IPO7: variants seen among roughly 807,000 people sequenced by gnomAD.
IPO7 encodes importin-7.
Under a neutral mutation model 136.4 loss-of-function variants are expected in IPO7, and 13 were observed. The observed-to-expected ratio is 0.10, with a 90% confidence interval of 0.06 to 0.15. The LOEUF (loss-of-function observed/expected upper bound fraction) is 0.15. Ranked by LOEUF, IPO7 falls within the 10% of genes least tolerant of loss-of-function variation. The probability of loss-of-function intolerance (pLI) is 1.00; values close to 1 mark genes in which losing one functional copy is unlikely to be tolerated. For missense variants in IPO7, 857 were observed against 1,240.6 expected (o/e 0.69, Z 4.65); for synonymous variants, 403 against 404.4 (o/e 1.00, Z 0.04).
chr11:9,402,988 C>G (rs1040879733), intron 1 of IPO7: 1 of 297,904 alleles, frequency 3.4e-6, no homozygotes, highest in Non-Finnish European at 6.3e-6. Context: ...CGTCACTGCA[C>G]TCCAGCCTGG....
At chr11:9,441,714 A>T (rs576876982) in intron 23 of IPO7, among the ~76,000 whole-genome samples, 18 of 152,338 alleles carry the variant, frequency 1.2e-4, no homozygotes, top group Non-Finnish European at 2.1e-4. Flanking sequence ...GTACCACAGT[A>T]GCCTTGATGA....
chr11:9,384,914 G>A (rs1590421086), intron 1 of IPO7, 67 bp downstream of exon 1: 1 of 1,306,310 alleles, frequency 7.7e-7, no homozygotes, highest in East Asian at 2.6e-5. Context: ...CCGAGCCCCC[G>A]GGGCCTGGCC....
At chr11:9,421,797 A>C (rs539917686) in intron 8 of IPO7, among the ~76,000 whole-genome samples, 1 of 151,976 alleles carries the variant, frequency 6.6e-6, no homozygotes, top group East Asian at 1.9e-4. Flanking sequence ...TCAAAAATGT[A>C]GCCGGGCGTG....
chr11:9,402,988 C>T (rs1040879733), intron 1 of IPO7: 12 of 297,786 alleles, frequency 4.0e-5, no homozygotes, highest in Non-Finnish European at 6.3e-5. Flanking sequence ...CGTCACTGCA[C>T]TCCAGCCTGG....
intron 1 of IPO7, among the ~76,000 whole-genome samples, chr11:9,400,152 T>C (rs1448085403): frequency 6.6e-6 from 1 of 152,228 alleles, no homozygotes; most frequent in Non-Finnish European, 1.5e-5. Context: ...TGTACTTATA[T>C]TAAGTACTGT....
chr11:9,434,159 G>A (rs1039799081), intron 18 of IPO7, among the ~76,000 whole-genome samples: 1 of 152,072 alleles, frequency 6.6e-6, no homozygotes. Context: ...CCGACCTGAG[G>A]TGATCCGCCC....
chr11:9,431,790 G>A (rs923195799), intron 16 of IPO7, among the ~76,000 whole-genome samples: 3 of 151,946 alleles, frequency 2.0e-5, no homozygotes, highest in African/African-American at 4.8e-5. Flanking sequence ...CCTAGCCAAC[G>A]TGGTGAAACC....
Position 9,419,083 on chromosome 11 carries a change from CAT to C in IPO7, c.727-1327_727-1326del, listed in dbSNP as rs140306951. Among the ~76,000 whole-genome samples, 188 of 152,156 alleles carry C rather than the reference CAT, an allele frequency of 1.2e-3. 1 individual carries two copies. The highest frequency in any genetic ancestry group is 4.4e-3 in the African/African-American group (182 of 41,488). ...ATTCTTACGTGTCTTTTTGTGGTCA[CAT>C]GTTTTTCACACTCTTGCATAAATAT... On this transcript the variant is annotated intron_variant, in intron 6 of 24. Coordinates refer to ENST00000379719, the MANE Select transcript of IPO7 (RefSeq NM_006391.3).
chr11:9,417,128 G>A lies in IPO7; in HGVS notation c.706G>A (p.Val236Met), dbSNP rs1855052627. The change falls in exon 6 of 25, where the codon GTG (valine) becomes ATG (methionine). Residue 236 changes from valine to methionine, a missense_variant. Physicochemically the swap from Val to Met is conservative, Grantham distance 21. Around this residue, in one of 11 missense-constraint regions of IPO7, gnomAD observed 287 missense variants for 307.5 expected, o/e 0.93. Transcript: ENST00000379719. Reference protein sequence around the residue: ...TEWIEILKTVVNRDVPNETLQ... With the variant: ...TEWIEILKTVMNRDVPNETLQ... ...ATGGATAGAAATTTTAAAGACTGTT[G>A]TGAACAGGGATGTACCTAATGTAAG... The A allele has an allele frequency of 6.6e-7, 1 of 1,522,320 alleles. No homozygotes were observed. The highest frequency in any genetic ancestry group is 9.1e-7 in the Non-Finnish European group (1 of 1,098,704). 94.3% of individuals were successfully genotyped at this position (1,522,320 alleles called of 1,614,324 possible). A position where few individuals can be genotyped will look rare whatever the true frequency, so the allele number is the denominator to read the frequency against.
chr11:9,414,850 T>C (rs989847105), intron 5 of IPO7, among the ~76,000 whole-genome samples: 2 of 151,842 alleles, frequency 1.3e-5, no homozygotes, highest in African/African-American at 2.4e-5. Flanking sequence ...GGTCTCGAAC[T>C]CCTGACCTCG....
chr11:9,428,998 T>C, intron 13 of IPO7, 33 bp from the exon 14 acceptor site: 1 of 1,583,210 alleles, frequency 6.3e-7, no homozygotes, highest in East Asian at 2.2e-5. Flanking sequence ...TAAGGTAAGG[T>C]ATCTACAGTA....
intron 15 of IPO7, among the ~76,000 whole-genome samples, chr11:9,430,068 T>A (rs1855271345): frequency 6.6e-6 from 1 of 152,148 alleles, no homozygotes; most frequent in Admixed American, 6.5e-5. Context: ...GTGTGCAACC[T>A]AGATCCTTGA....
At chr11:9,392,670 C>T (rs915552669) in intron 1 of IPO7, among the ~76,000 whole-genome samples, 4 of 151,478 alleles carry the variant, frequency 2.6e-5, no homozygotes, top group Admixed American at 1.3e-4. Flanking sequence ...CAGTTTTGGC[C>T]GGGTGCGGTG....
At position 9,396,382 on chromosome 11, in the gene IPO7, C is replaced by T. The variant is rs563121696; in HGVS notation, c.85-6908C>T. ...CTGCACTCCGGCCAGGGAGACAAAG[C>T]GAGACTCCATCTCAAAAACAAAGTC... On this transcript the variant is annotated intron_variant, in intron 1 of 24. Transcript: ENST00000379719. Among the ~76,000 whole-genome samples, 56 of 152,248 alleles carry T rather than the reference C, an allele frequency of 3.7e-4. 1 individual carries two copies. The South Asian group carries it at 7.7e-3, about 21-fold the overall frequency.
Position 9,408,542 on chromosome 11 carries a change from C to G in IPO7, c.223C>G (p.Pro75Ala), listed in dbSNP as rs1854920071. ...GTATTGGCCTGATCGAGAAACAGCA[C>G]CAGGGGATATATCCCCTTATACTAT... is the stretch of plus-strand genomic sequence containing the variant. The part of the protein sequence containing the change: ...TQYWPDRETA[P>A]GDISPYTIPE... The change falls in exon 3 of 25, where the codon CCA becomes GCA. Residue 75 changes from proline (P) to alanine (A), a missense_variant. This residue lies in a region of IPO7 where 287 missense variants were observed against 307.5 expected (regional missense o/e 0.93). Coordinates refer to ENST00000379719, the MANE Select transcript of IPO7 (RefSeq NM_006391.3). The G allele has an allele frequency of 1.2e-6, 2 of 1,600,176 alleles. No individual in the cohort carries two copies. Among genetic ancestry groups the G allele is most frequent in the Non-Finnish European group, 1.7e-6 (2 of 1,171,294 alleles).
intron 19 of IPO7, among the ~76,000 whole-genome samples, chr11:9,435,777 T>C (rs1855360831): frequency 6.6e-6 from 1 of 152,224 alleles, no homozygotes. Context: ...CTGGAGTTTA[T>C]AGGGCAACAT....
At chr11:9,389,136 C>G (rs1367684258) in intron 1 of IPO7, among the ~76,000 whole-genome samples, 1 of 151,808 alleles carries the variant, frequency 6.6e-6, no homozygotes, top group Non-Finnish European at 1.5e-5. Flanking sequence ...TCACTGTAGC[C>G]TCCAATCCCA....
intron 1 of IPO7, among the ~76,000 whole-genome samples, chr11:9,386,835 G>A (rs1382960370): frequency 1.3e-5 from 2 of 152,252 alleles, no homozygotes; most frequent in East Asian, 1.9e-4. Context: ...CCGCTAATCT[G>A]TCAAAGAAAA....
At chr11:9,410,761 T>C (rs2133738602) in intron 4 of IPO7, among the ~76,000 whole-genome samples, 1 of 152,332 alleles carries the variant, frequency 6.6e-6, no homozygotes, top group South Asian at 2.1e-4. Context: ...AAGGAGTTTT[T>C]TAAGTCTATA....
Sources: gnomAD v4.1 joint callset for allele counts (sites outside exome capture counted in the v4.1 genomes callset) on GRCh38, gnomAD v4.1.1 for gene constraint, gnomAD v4.1.1 regional missense constraint, MANE v1.5 for transcripts, NCBI Gene and HGNC (gene_info 2026-07-23, HGNC 2026-07-21) for gene names.